ELFN1: variants seen among roughly 807,000 people sequenced by gnomAD.
The protein encoded by ELFN1 is extracellular leucine rich repeat and fibronectin type III domain containing 1, also known as protein ELFN1.
In ELFN1, 6 loss-of-function variants were observed where a neutral mutation model predicts 7.6. The ratio of observed to expected loss-of-function variants is 0.79; its 90% CI spans 0.43 to 1.56. The LOEUF (loss-of-function observed/expected upper bound fraction) is 1.56. Among genes scored for constraint, ELFN1 ranks in the 40% most tolerant of loss-of-function variants. The pLI is 0.01. For missense variants in ELFN1, 1,169 were observed against 1,232.2 expected, an observed-to-expected ratio of 0.95 and a Z score of 0.77; for synonymous variants, 657 against 588.1, an observed-to-expected ratio of 1.12 and a Z score of -1.70.
intron 1 of ELFN1, among the ~76,000 whole-genome samples, chr7:1,684,000 A>G (rs1294285596): frequency 6.6e-6 from 1 of 152,098 alleles, no homozygotes; most frequent in Non-Finnish European, 1.5e-5. Flanking sequence ...AAATTTTTAA[A>G]TTAGCTGGGC....
chr7:1,667,964 G>A (rs1388766063), upstream of ELFN1, among the ~76,000 whole-genome samples: 1 of 144,380 alleles, frequency 6.9e-6, no homozygotes, highest in Non-Finnish European at 1.6e-5. This position sits in a 1 kb window ranked among gnomAD's most constrained non-coding sequence, Gnocchi z 8.2. Context: ...TCCGCTCGGG[G>A]TGGGGGGGGG....
upstream of ELFN1, among the ~76,000 whole-genome samples, chr7:1,667,281 A>C (rs1359833611): frequency 9.9e-5 from 15 of 151,954 alleles, no homozygotes; most frequent in Admixed American, 9.8e-4. This position sits in a 1 kb window ranked among gnomAD's most constrained non-coding sequence, Gnocchi z 8.2. Flanking sequence ...AGGGAGGAGC[A>C]GGGACTTCCT....
At chr7:1,677,909 G>A (rs1357857652) in intron 1 of ELFN1, among the ~76,000 whole-genome samples, 3 of 152,080 alleles carry the variant, frequency 2.0e-5, no homozygotes, top group East Asian at 1.9e-4. Context: ...AGGGAGGGAC[G>A]TCAGGAAGAG....
chr7:1,736,211 C>T (rs1319919982), intron 3 of ELFN1, among the ~76,000 whole-genome samples: 1 of 152,184 alleles, frequency 6.6e-6, no homozygotes, highest in Admixed American at 6.5e-5. Context: ...CATGATCTAT[C>T]GGCAAAACAT....
intron 2 of ELFN1, chr7:1,693,252 C>T (rs998282522): frequency 1.6e-5 from 7 of 429,886 alleles, no homozygotes; most frequent in South Asian, 3.5e-5. Flanking sequence ...GTCCAGCAGA[C>T]GTGGGGTTAG....
chr7:1,672,219 C>G (rs1351400921), intron 1 of ELFN1, among the ~76,000 whole-genome samples: 1 of 152,134 alleles, frequency 6.6e-6, no homozygotes, highest in Admixed American at 6.5e-5. Flanking sequence ...GTGGTGGGCA[C>G]CTGCACCCAG....
At chr7:1,688,589 T>C (rs1779100986) in intron 2 of ELFN1, among the ~76,000 whole-genome samples, 1 of 152,230 alleles carries the variant, frequency 6.6e-6, no homozygotes, top group Admixed American at 6.5e-5. Context: ...AAAAATACCA[T>C]CCATTTTCAA....
intron 3 of ELFN1, among the ~76,000 whole-genome samples, chr7:1,734,812 C>T (rs1780401826): frequency 6.6e-6 from 1 of 152,146 alleles, no homozygotes; most frequent in Non-Finnish European, 1.5e-5. Context: ...ATCCTCCTGC[C>T]TCAGCCTCCC....
intron 2 of ELFN1, among the ~76,000 whole-genome samples, chr7:1,702,650 A>G (rs1051100282): frequency 2.0e-5 from 3 of 151,308 alleles, no homozygotes; most frequent in Admixed American, 6.6e-5. Flanking sequence ...CATTACAGAC[A>G]TATAGAAATT....
At position 1,739,815 on chromosome 7, in the gene ELFN1, AG is replaced by A. The variant is rs1780558154; in HGVS notation, c.-293-4483del. ...TGGTGAGAGCGGCTCAGAGGGCCCG[AG>A]GGGGGACGCCCGGTGGGGCGGGGCT... On this transcript the variant is annotated intron_variant, in intron 3 of 3. Coordinates refer to ENST00000424383, the MANE Select transcript of ELFN1 (RefSeq NM_001128636.4). This position sits in a 1 kb window ranked among gnomAD's most constrained non-coding sequence, Gnocchi z 4.6. 1.3e-5 allele frequency among the ~76,000 whole-genome samples: 2 copies of A among 151,196 alleles called. No individual in the cohort carries two copies. The highest frequency in any genetic ancestry group is 4.9e-5 in the African/African-American group (2 of 41,076).
At chr7:1,717,618 G>A (rs926298983) in intron 3 of ELFN1, among the ~76,000 whole-genome samples, 3 of 152,230 alleles carry the variant, frequency 2.0e-5, no homozygotes, top group African/African-American at 7.2e-5. Flanking sequence ...GAGGAACGGT[G>A]CATGCATGCA....
At chr7:1,675,527 G>A (rs1778852641) in intron 1 of ELFN1, among the ~76,000 whole-genome samples, 1 of 152,220 alleles carries the variant, frequency 6.6e-6, no homozygotes, top group African/African-American at 2.4e-5. Context: ...GCACCTCTTA[G>A]TCATTAACTC....
chr7:1,668,528 G>T (rs1370456334), upstream of ELFN1, among the ~76,000 whole-genome samples: 1 of 152,220 alleles, frequency 6.6e-6, no homozygotes, highest in African/African-American at 2.4e-5. Context: ...TCTGCACAAG[G>T]CTGGCCAGGC....
chr7:1,732,299 G>A (rs918970434), intron 3 of ELFN1, among the ~76,000 whole-genome samples: 4 of 152,166 alleles, frequency 2.6e-5, no homozygotes, highest in Admixed American at 2.0e-4. Context: ...AAGTCCAGGC[G>A]AATCACAGCC....
chr7:1,705,065 G>A lies in ELFN1; in HGVS notation c.-455-4026G>A, dbSNP rs1451504857. The stretch of plus-strand genomic sequence containing the variant: ...AGGGCAGAGGTGGAGACCTGCTGGG[G>A]TGGGGGGCGCGTACTGGAGAACAGA... On this transcript the variant is annotated intron_variant, in intron 2 of 3. Coordinates refer to ENST00000424383, the MANE Select transcript of ELFN1 (RefSeq NM_001128636.4). This position sits in a 1 kb window ranked among gnomAD's most constrained non-coding sequence, Gnocchi z 4.3. Among the ~76,000 whole-genome samples the A allele has an allele frequency of 1.3e-5, 2 of 152,146 alleles. No homozygotes were observed. Among genetic ancestry groups the A allele is most frequent in the Admixed American group, 6.5e-5 (1 of 15,282 alleles).
At chr7:1,726,313 C>T (rs926972791) in intron 3 of ELFN1, among the ~76,000 whole-genome samples, 8 of 152,234 alleles carry the variant, frequency 5.3e-5, no homozygotes, top group Non-Finnish European at 1.0e-4. Flanking sequence ...CTGCCTGCAC[C>T]GTGCCTCTCC....
At chr7:1,680,168 G>A (rs982935183) in intron 1 of ELFN1, among the ~76,000 whole-genome samples, 5 of 152,254 alleles carry the variant, frequency 3.3e-5, no homozygotes, top group African/African-American at 2.4e-5. Flanking sequence ...GGAGTAGCCT[G>A]GGCTTGCCTT....
chr7:1,719,340 C>G (rs1421234033), intron 3 of ELFN1, among the ~76,000 whole-genome samples: 2 of 127,970 alleles, frequency 1.6e-5, no homozygotes, highest in African/African-American at 7.8e-5. Context: ...CAGGGCCCCG[C>G]CCACCAACAG....
intron 3 of ELFN1, among the ~76,000 whole-genome samples, chr7:1,714,170 C>T (rs967598990): frequency 6.6e-6 from 1 of 152,204 alleles, no homozygotes. Context: ...GCCTACGCCT[C>T]TGAGGTTGCA....
Sources: gnomAD v4.1 joint callset for allele counts (sites outside exome capture counted in the v4.1 genomes callset) on GRCh38, gnomAD v4.1.1 for gene constraint, Gnocchi (gnomAD v3.1) non-coding constraint, MANE v1.5 for transcripts, NCBI Gene and HGNC (gene_info 2026-07-23, HGNC 2026-07-21) for gene names.